The following NEDD4L variants were observed in gnomAD, a reference collection of about 807,000 sequenced individuals.
NEDD4L encodes the protein E3 ubiquitin-protein ligase NEDD4-like.
NEDD4L carries 54 observed loss-of-function variants against 148.9 expected under a neutral mutation model. The observed-to-expected ratio is 0.36, with a 90% confidence interval of 0.29 to 0.45. NEDD4L has a LOEUF of 0.45. NEDD4L is among the 20% of genes least tolerant of loss of function. The pLI is 1.00. For synonymous variants in NEDD4L, 433 were observed against 440.7 expected (o/e 0.98, Z 0.22); for missense variants, 856 against 1,233.8 (o/e 0.69, Z 4.59).
intron 5 of NEDD4L, among the ~76,000 whole-genome samples, chr18:58,308,894 G>C (rs2057356056): frequency 6.6e-6 from 1 of 152,216 alleles, no homozygotes; most frequent in African/African-American, 2.4e-5. Context: ...AACACCTGCT[G>C]ACAAGAAGCG....
At chr18:58,387,567 A>G in intron 27 of NEDD4L, 69 bp downstream of exon 27, 1 of 1,381,744 alleles carries the variant, frequency 7.2e-7, no homozygotes, top group Non-Finnish European at 9.7e-7. Flanking sequence ...TTTACAAGTA[A>G]TATTTTAATA....
chr18:58,283,998 G>C lies in NEDD4L; in HGVS notation c.297+31944G>C, dbSNP rs182609540. ...TCAGGTGATGCTTCTACAAGGCAGG[G>C]AACTCCAAAGATTGCTAGCAAGCCT... is the stretch of plus-strand genomic sequence containing the variant. On this transcript the variant is annotated intron_variant, in intron 5 of 30. Coordinates refer to ENST00000400345, the MANE Select transcript of NEDD4L (RefSeq NM_001144967.3). Among the ~76,000 whole-genome samples the C allele has an allele frequency of 2.3e-3, 349 of 152,276 alleles. 4 individuals carry two copies. The highest frequency in any genetic ancestry group is 8.0e-3 in the African/African-American group (332 of 41,544).
At chr18:58,182,860 T>TA (rs1368807987) in intron 2 of NEDD4L, among the ~76,000 whole-genome samples, 20 of 152,228 alleles carry the variant, frequency 1.3e-4, no homozygotes, top group African/African-American at 4.8e-4. Context: ...GCTCAGAGCT[T>TA]AAATTCTGCA....
chr18:58,115,245 C>CTTTTTTTTTTTTTT (rs60541981), intron 1 of NEDD4L, among the ~76,000 whole-genome samples: 7 of 129,536 alleles, frequency 5.4e-5, no homozygotes, highest in African/African-American at 1.2e-4. Context: ...TTCTTTCTTT[C>CTTTTTTTTTTTTTT]TTTTTTTTTT....
intron 15 of NEDD4L, 150 bp from the exon 16 acceptor site, chr18:58,342,756 T>C: frequency 1.7e-6 from 1 of 584,618 alleles, no homozygotes; most frequent in Non-Finnish European, 2.9e-6. Context: ...GTTAGATTGA[T>C]TTAAAAGTAA....
chr18:58,269,657 G>A (rs562901977), intron 5 of NEDD4L, among the ~76,000 whole-genome samples: 102 of 152,170 alleles, frequency 6.7e-4, no homozygotes, highest in African/African-American at 2.4e-3. Flanking sequence ...GTACTTCAGG[G>A]ATTCTGATTT....
chr18:58,351,233 A>G (rs1036008311), intron 18 of NEDD4L, 188 bp downstream of exon 18: 71 of 959,946 alleles, frequency 7.4e-5, no homozygotes, highest in Non-Finnish European at 8.3e-5. Context: ...TGCTTAAAGT[A>G]GCCCATCAAA....
chr18:58,189,532 A>G (rs2039865302), intron 2 of NEDD4L, among the ~76,000 whole-genome samples: 1 of 152,334 alleles, frequency 6.6e-6, no homozygotes. Context: ...GAACAAGTGC[A>G]TCTGCTGGCA....
chr18:58,341,670 C>T lies in NEDD4L; in HGVS notation c.1258-8C>T. ...TATGAAGCTAACTTGTTTTTGCCTC[C>T]AAAATAGCTTGCAGAAGATGGTGCG... On this transcript the variant is annotated splice_region_variant and splice_polypyrimidine_tract_variant and intron_variant, in intron 14 of 30. Coordinates refer to ENST00000400345, the MANE Select transcript of NEDD4L (RefSeq NM_001144967.3). The T allele has an allele frequency of 1.2e-6, 2 of 1,611,440 alleles. No homozygotes were observed. Among genetic ancestry groups the T allele is most frequent in the Non-Finnish European group, 8.5e-7 (1 of 1,178,858 alleles).
rs114212942 is a variant in NEDD4L at position 58,391,027 on chromosome 18, C to G, written c.2752+285C>G. Among the ~76,000 whole-genome samples the G allele has an allele frequency of 6.2e-3, 939 of 151,204 alleles. 5 individuals carry two copies. Among genetic ancestry groups the G allele is most frequent in the African/African-American group, 0.022 (899 of 41,182 alleles). ...TAGTTTTTTAGTAAATCGTTAAAAA[C>G]TAGGTTTTGTAGGGTCATTTATATG... On this transcript the variant is annotated intron_variant, in intron 29 of 30. Coordinates refer to ENST00000400345, the MANE Select transcript of NEDD4L (RefSeq NM_001144967.3).
At chr18:58,368,006 A>G in intron 22 of NEDD4L, 139 bp downstream of exon 22, 1 of 927,456 alleles carries the variant, frequency 1.1e-6, no homozygotes, top group South Asian at 1.9e-5. Flanking sequence ...CCCATAATGG[A>G]TGTCCTTTTC....
intron 6 of NEDD4L, among the ~76,000 whole-genome samples, chr18:58,320,746 T>A (rs1377059766): frequency 6.6e-6 from 1 of 152,154 alleles, no homozygotes; most frequent in South Asian, 2.1e-4. Flanking sequence ...GCCCAGGAAG[T>A]TGAGGCTGCA....
rs1247652122 is a variant in NEDD4L at position 58,349,571 on chromosome 18, G to A, written c.1610G>A (p.Arg537Gln). 4.3e-6 allele frequency: 7 copies of A among 1,613,762 alleles called. No individual in the cohort carries two copies. Among genetic ancestry groups the A allele is most frequent in the African/African-American group, 1.3e-5 (1 of 74,898 alleles). ...CGTTTGAAATTTCCAGTACATATGC[G>A]GTCAAAGACATCTTTAAACCCCAAT... ...DPRLKFPVHM[R>Q]SKTSLNPNDL... The change falls in exon 17 of 31, where the codon CGG becomes CAG. Residue 537 changes from arginine to glutamine, a missense_variant. This residue lies in a region of NEDD4L where 367 missense variants were observed against 422.7 expected (regional missense o/e 0.87). Coordinates refer to ENST00000400345, the MANE Select transcript of NEDD4L (RefSeq NM_001144967.3).
rs199959002 is a variant in NEDD4L, at chr18:58,329,132, G to A, written c.813+5G>A. ...GAGGGCGGGGATGTCCCCGAGGTAC[G>A]ATGTCCCCAGAATGGTGCAAAGCCC... On this transcript the variant is annotated splice_donor_5th_base_variant and intron_variant, in intron 10 of 30. Coordinates refer to ENST00000400345, the MANE Select transcript of NEDD4L (RefSeq NM_001144967.3). 3.3e-4 allele frequency: 529 copies of A among 1,613,504 alleles called. 1 individual carries two copies. Among genetic ancestry groups the A allele is most frequent in the African/African-American group, 3.1e-3 (236 of 75,056 alleles).
chr18:58,355,599 TC>T (rs2044506034), intron 18 of NEDD4L, among the ~76,000 whole-genome samples: 1 of 152,226 alleles, frequency 6.6e-6, no homozygotes, highest in East Asian at 1.9e-4. Context: ...TCAGCTGTAC[TC>T]CGTTTCCTTT....
chr18:58,341,272 T>C (rs1002659374), intron 14 of NEDD4L, 103 bp downstream of exon 14: 12 of 1,319,572 alleles, frequency 9.1e-6, no homozygotes, highest in Non-Finnish European at 9.3e-6. Context: ...GAAAGACCCG[T>C]ATTTGTAAAA....
chr18:58,389,055 G>C, intron 27 of NEDD4L, 30 bp from the exon 28 acceptor site: 1 of 1,580,898 alleles, frequency 6.3e-7, no homozygotes, highest in Non-Finnish European at 8.7e-7. Context: ...TTCACATCCT[G>C]CTTTTACATC....
intron 6 of NEDD4L, among the ~76,000 whole-genome samples, chr18:58,317,796 C>T (rs1253803677): frequency 6.6e-6 from 1 of 152,158 alleles, no homozygotes; most frequent in African/African-American, 2.4e-5. Flanking sequence ...GCCGTGAACG[C>T]CCAGAGAGGA....
chr18:58,295,422 C>A (rs189406809), intron 5 of NEDD4L, among the ~76,000 whole-genome samples: 1 of 152,196 alleles, frequency 6.6e-6, no homozygotes, highest in East Asian at 1.9e-4. Context: ...TTTAAGGTTC[C>A]TCCGTGCCTC....
Sources: gnomAD v4.1 joint callset for allele counts (sites outside exome capture counted in the v4.1 genomes callset) on GRCh38, gnomAD v4.1.1 for gene constraint, gnomAD v4.1.1 regional missense constraint, MANE v1.5 for transcripts, NCBI Gene and HGNC (gene_info 2026-07-23, HGNC 2026-07-21) for gene names.